Variants in PHACTR3 observed in about 807,000 individuals in gnomAD.
PHACTR3 encodes the protein protein phosphatase 1, regulatory subunit 123.
In PHACTR3, 16 loss-of-function variants were observed where a neutral mutation model predicts 66.8. The ratio of observed to expected loss-of-function variants is 0.24; its 90% CI spans 0.16 to 0.36. PHACTR3 has a LOEUF of 0.36. PHACTR3 is among the 10% of genes least tolerant of loss of function. The pLI is 1.00. For synonymous variants in PHACTR3, 323 were observed against 292.1 expected (o/e 1.11, Z -1.08); for missense variants, 647 against 719.9 (o/e 0.90, Z 1.16).
intron 1 of PHACTR3, among the ~76,000 whole-genome samples, chr20:59,578,908 C>T (rs1034317194): frequency 3.9e-5 from 6 of 152,160 alleles, no homozygotes. Flanking sequence ...GAATATTGAG[C>T]CCCTACTGAG....
At position 59,736,371 on chromosome 20, in the gene PHACTR3, G is replaced by A. The variant is rs2038944427; in HGVS notation, c.119-6736G>A. 6.6e-6 allele frequency among the ~76,000 whole-genome samples: 1 copy of A among 152,098 alleles called. No individual in the cohort carries two copies. The highest frequency in any genetic ancestry group is 2.4e-5 in the African/African-American group (1 of 41,402). Reference sequence around the variant, plus strand: ...CCTCAGGAACTGCAGGGAGAGACGGGGAGAGAATTCCTGGAGTGGGGGGAG... The same window carrying A: ...CCTCAGGAACTGCAGGGAGAGACGGAGAGAGAATTCCTGGAGTGGGGGGAG... On this transcript the variant is annotated intron_variant, in intron 1 of 12. Coordinates refer to ENST00000371015, the MANE Select transcript of PHACTR3 (RefSeq NM_080672.5). This position sits in a 1 kb window ranked among gnomAD's most constrained non-coding sequence, Gnocchi z 4.6.
chr20:59,631,852 G>A lies in PHACTR3; in HGVS notation c.118+26720G>A, dbSNP rs1326583504. Among the ~76,000 whole-genome samples the A allele has an allele frequency of 4.6e-5, 7 of 152,144 alleles. No homozygotes were observed. The East Asian group carries it at 7.7e-4, about 17-fold the overall frequency. On this transcript the variant is annotated intron_variant, in intron 1 of 12. Transcript: ENST00000371015. ...GACTGGGCTGAGGCTTGGGGGCTGC[G>A]GCTGTATGAACGGGAATGCCTGTGG... is the stretch of plus-strand genomic sequence containing the variant.
At position 59,847,145 on chromosome 20, in the gene PHACTR3, G is replaced by GAAGAATTTGTGTTTAATT; in HGVS notation, c.*16_*33dup. The GAAGAATTTGTGTTTAATT allele has an allele frequency of 6.6e-7, 1 of 1,513,870 alleles. No individual in the cohort carries two copies. The highest frequency in any genetic ancestry group is 9.1e-7 in the Non-Finnish European group (1 of 1,095,764). The allele number at this position is 1,513,870 out of a possible 1,614,324, so 93.8% of individuals were successfully genotyped here. ...ACAGGCCATAGAGATTTTCTTCTGA[G>GAAGAATTTGTGTTTAATT]AAGAATTTGTGTTTAATTTTTTGAT... On this transcript the variant is annotated 3_prime_UTR_variant, in exon 13 of 13. Transcript: ENST00000371015.
chr20:59,793,607 GGATTTTTGTATGTT>G (rs1489613472), intron 7 of PHACTR3, among the ~76,000 whole-genome samples: 2 of 152,110 alleles, frequency 1.3e-5, no homozygotes, highest in Middle Eastern at 3.4e-3. Flanking sequence ...GAAACAGTAG[GGATTTTTGTATGTT>G]GATTTTTGTA....
chr20:59,632,680 T>C (rs977297416), intron 1 of PHACTR3, among the ~76,000 whole-genome samples: 1 of 152,242 alleles, frequency 6.6e-6, no homozygotes, highest in Non-Finnish European at 1.5e-5. Flanking sequence ...TCAGCAGCTT[T>C]GATTGGGCTT....
At chr20:59,630,530 G>A (rs190360083) in intron 1 of PHACTR3, among the ~76,000 whole-genome samples, 140 of 152,294 alleles carry the variant, frequency 9.2e-4, no homozygotes, top group South Asian at 1.5e-3. Flanking sequence ...TAAAGTAGAC[G>A]TCAAGTTTTC....
intron 11 of PHACTR3, chr20:59,843,974 AAAC>A (rs2145529235): frequency 6.6e-6 from 1 of 152,128 alleles, no homozygotes; most frequent in South Asian, 2.1e-4. Context: ...AACAGTCAAA[AAAC>A]AAAACAAATA....
At chr20:59,792,351 C>G (rs1227829469) in intron 7 of PHACTR3, among the ~76,000 whole-genome samples, 2 of 152,240 alleles carry the variant, frequency 1.3e-5, no homozygotes, top group African/African-American at 2.4e-5. Flanking sequence ...ATGGCTGAGT[C>G]ATGTGGTAGG....
intron 1 of PHACTR3, among the ~76,000 whole-genome samples, chr20:59,663,649 G>A (rs528892293): frequency 6.6e-6 from 1 of 152,360 alleles, no homozygotes; most frequent in South Asian, 2.1e-4. Context: ...CGCAGAGCAG[G>A]CTGACTGACG....
chr20:59,812,740 G>T (rs149895665), intron 8 of PHACTR3, among the ~76,000 whole-genome samples: 14 of 152,336 alleles, frequency 9.2e-5, no homozygotes, highest in African/African-American at 3.4e-4. Context: ...ACGTGGAAGC[G>T]GGGGAGGAAT....
At chr20:59,803,061 G>T (rs755867455) in intron 7 of PHACTR3, among the ~76,000 whole-genome samples, 15 of 152,098 alleles carry the variant, frequency 9.9e-5, no homozygotes, top group South Asian at 2.1e-4. Flanking sequence ...AACACAAGAT[G>T]GGTCAAATGA....
chr20:59,641,588 C>A (rs2035104742), intron 1 of PHACTR3, among the ~76,000 whole-genome samples: 2 of 152,262 alleles, frequency 1.3e-5, no homozygotes, highest in South Asian at 4.1e-4. Context: ...TCTGCTTTAC[C>A]CAGCCTATTG....
At chr20:59,723,098 CT>C (rs2038403334) in intron 1 of PHACTR3, among the ~76,000 whole-genome samples, 2 of 138,820 alleles carry the variant, frequency 1.4e-5, no homozygotes, top group Non-Finnish European at 3.2e-5. Flanking sequence ...TTCTTTCTTT[CT>C]TTCTTTCTTT....
At chr20:59,596,143 GT>G (rs2033321697) in intron 1 of PHACTR3, among the ~76,000 whole-genome samples, 1 of 152,094 alleles carries the variant, frequency 6.6e-6, no homozygotes, top group South Asian at 2.1e-4. Context: ...ATTTTTCTTT[GT>G]TTTCTTTTTT....
chr20:59,632,747 A>T (rs1421533250), intron 1 of PHACTR3, among the ~76,000 whole-genome samples: 1 of 152,178 alleles, frequency 6.6e-6, no homozygotes, highest in Non-Finnish European at 1.5e-5. Context: ...TGCCCAGATC[A>T]CAGGGCTCAT....
At chr20:59,729,542 T>C (rs938013568) in intron 1 of PHACTR3, among the ~76,000 whole-genome samples, 1 of 152,096 alleles carries the variant, frequency 6.6e-6, no homozygotes, top group Non-Finnish European at 1.5e-5. Context: ...ATGCATCTGC[T>C]AGCCGGGCTG....
intron 1 of PHACTR3, among the ~76,000 whole-genome samples, chr20:59,722,917 A>G (rs1193559924): frequency 6.6e-6 from 1 of 151,988 alleles, no homozygotes; most frequent in Non-Finnish European, 1.5e-5. Context: ...ATGGACTCCT[A>G]TATGGTGTGC....
chr20:59,666,805 C>T lies in PHACTR3; in HGVS notation c.118+61673C>T, dbSNP rs140158987. ...AGGAAGGGGACATGCAGGGCAGGCT[C>T]GCGGTCCAGGTCCTGAGATCCAGAG... On this transcript the variant is annotated intron_variant, in intron 1 of 12. Transcript: ENST00000371015. Among the ~76,000 whole-genome samples, 134 of 152,310 alleles carry T rather than the reference C, an allele frequency of 8.8e-4. 1 individual carries two copies. In the East Asian group the frequency reaches 0.017, roughly 20 times the overall value.
chr20:59,806,290 C>T lies in PHACTR3; in HGVS notation c.1328+96C>T, dbSNP rs1417431264. On this transcript the variant is annotated intron_variant, in intron 8 of 12. Coordinates refer to ENST00000371015, the MANE Select transcript of PHACTR3 (RefSeq NM_080672.5). The stretch of plus-strand genomic sequence containing the variant: ...ACATCCTGGGTGTGCCAGGCCGGGA[C>T]GCACAACCCACCGTCTGCAGCAGGT... 50 of 1,471,152 alleles carry T rather than the reference C, an allele frequency of 3.4e-5. No homozygotes were observed. In the Middle Eastern group the frequency reaches 1.1e-3, roughly 33 times the overall value. The allele number at this position is 1,471,152 out of a possible 1,614,324, so 91.1% of individuals were successfully genotyped here. A position where few individuals can be genotyped will look rare whatever the true frequency, so the allele number is the denominator to read the frequency against.
Sources: gnomAD v4.1 joint callset for allele counts (sites outside exome capture counted in the v4.1 genomes callset) on GRCh38, gnomAD v4.1.1 for gene constraint, Gnocchi (gnomAD v3.1) non-coding constraint, MANE v1.5 for transcripts, NCBI Gene and HGNC (gene_info 2026-07-23, HGNC 2026-07-21) for gene names.